Variants in ADGRA3 observed in about 807,000 individuals in gnomAD.
ADGRA3 encodes G-protein coupled receptor 125.
In ADGRA3, 56 loss-of-function variants were observed where a neutral mutation model predicts 119.8. That is an observed-to-expected ratio of 0.47 (90% confidence interval 0.38 to 0.58). ADGRA3 has a LOEUF of 0.58. ADGRA3 is among the 20% of genes least tolerant of loss of function. ADGRA3 has a pLI of 0.00. For synonymous variants in ADGRA3, 607 were observed against 623.8 expected, an observed-to-expected ratio of 0.97 and a Z score of 0.40; for missense variants, 1,516 against 1,649.0, an observed-to-expected ratio of 0.92 and a Z score of 1.40.
intron 1 of ADGRA3, chr4:22,514,432 A>T (rs899385024): frequency 5.9e-5 from 9 of 152,184 alleles, no homozygotes; most frequent in Non-Finnish European, 1.0e-4. Context: ...AGGTAAACAA[A>T]AGTGTTAGTA....
At chr4:22,502,331 G>C (rs1049967222) in intron 1 of ADGRA3, among the ~76,000 whole-genome samples, 1 of 152,210 alleles carries the variant, frequency 6.6e-6, no homozygotes, top group African/African-American at 2.4e-5. Context: ...AATCTAGGCA[G>C]ACTTCAGTAA....
At position 22,495,995 on chromosome 4, in the gene ADGRA3, T is replaced by A. The variant is rs374701178; in HGVS notation, c.257+19533A>T. On this transcript the variant is annotated intron_variant, in intron 1 of 18. Transcript: ENST00000334304. Reference sequence around the variant, plus strand: ...CATTCTGCAACACTAATAATATAATTGATTTAGGCAATGATACCAACAGCT... The same window carrying A: ...CATTCTGCAACACTAATAATATAATAGATTTAGGCAATGATACCAACAGCT... Among the ~76,000 whole-genome samples the A allele has an allele frequency of 2.3e-3, 344 of 152,242 alleles. 1 individual carries two copies. Among genetic ancestry groups the A allele is most frequent in the African/African-American group, 7.7e-3 (319 of 41,544 alleles).
chr4:22,475,610 C>T (rs1168482663), intron 1 of ADGRA3, among the ~76,000 whole-genome samples: 1 of 152,072 alleles, frequency 6.6e-6, no homozygotes. Flanking sequence ...ACCTATATTC[C>T]CAGCTACTCG....
intron 11 of ADGRA3, among the ~76,000 whole-genome samples, 174 bp downstream of exon 11, chr4:22,424,017 C>T (rs1715824206): frequency 6.6e-6 from 1 of 150,694 alleles, no homozygotes; most frequent in Admixed American, 6.6e-5. Context: ...AGAAGAAATT[C>T]TGTAATAACT....
intron 8 of ADGRA3, among the ~76,000 whole-genome samples, chr4:22,437,521 T>C (rs1168016078): frequency 6.6e-6 from 1 of 152,188 alleles, no homozygotes; most frequent in Non-Finnish European, 1.5e-5. Context: ...ATAAACTCAT[T>C]TTTTAAATCC....
intron 2 of ADGRA3, chr4:22,473,355 C>T (rs553677652): frequency 6.4e-6 from 1 of 155,856 alleles, no homozygotes; most frequent in East Asian, 1.9e-4. Context: ...AGAATTTCAA[C>T]ACAGCATCAA....
intron 2 of ADGRA3, among the ~76,000 whole-genome samples, chr4:22,462,383 G>A (rs1717499419): frequency 6.6e-6 from 1 of 152,040 alleles, no homozygotes; most frequent in Non-Finnish European, 1.5e-5. Context: ...GCGTGATCCT[G>A]ACTCACTGCA....
intron 16 of ADGRA3, among the ~76,000 whole-genome samples, chr4:22,398,489 C>A (rs1216950000): frequency 6.6e-6 from 1 of 152,008 alleles, no homozygotes; most frequent in African/African-American, 2.4e-5. Context: ...TCATATGACC[C>A]CCTCATCACA....
At chr4:22,471,346 T>C (rs1246766663) in intron 2 of ADGRA3, among the ~76,000 whole-genome samples, 15 of 152,102 alleles carry the variant, frequency 9.9e-5, no homozygotes, top group Admixed American at 3.3e-4. Context: ...AGAAGCAGAA[T>C]AGATAACTTT....
chr4:22,498,659 T>A (rs184223822), intron 1 of ADGRA3, among the ~76,000 whole-genome samples: 89 of 152,062 alleles, frequency 5.9e-4, no homozygotes, highest in African/African-American at 2.0e-3. Flanking sequence ...CTCACGCCTG[T>A]AATCCCAGCA....
At chr4:22,426,136 T>A (rs1358088090) in intron 10 of ADGRA3, among the ~76,000 whole-genome samples, 2 of 151,974 alleles carry the variant, frequency 1.3e-5, no homozygotes, top group Non-Finnish European at 2.9e-5. Context: ...TCTTTTAAGA[T>A]GATAGACTCT....
chr4:22,469,467 C>G (rs557921333), intron 2 of ADGRA3, among the ~76,000 whole-genome samples: 12 of 152,180 alleles, frequency 7.9e-5, no homozygotes, highest in African/African-American at 2.7e-4. Flanking sequence ...TTGACCCACA[C>G]CCACTTCTTC....
At chr4:22,420,603 A>C (rs1001071914) in intron 12 of ADGRA3, 6 of 460,486 alleles carry the variant, frequency 1.3e-5, no homozygotes, top group African/African-American at 2.0e-5. Flanking sequence ...ATTTTTTCAC[A>C]TGTAACAATA....
intron 14 of ADGRA3, among the ~76,000 whole-genome samples, chr4:22,405,537 C>G (rs1249709239): frequency 6.7e-6 from 1 of 148,960 alleles, no homozygotes; most frequent in African/African-American, 2.5e-5. Flanking sequence ...CAGAGCAAAC[C>G]CCTATTTCTA....
chr4:22,460,017 G>T (rs1433650773), intron 3 of ADGRA3, among the ~76,000 whole-genome samples: 1 of 152,106 alleles, frequency 6.6e-6, no homozygotes, highest in Admixed American at 6.6e-5. Flanking sequence ...TCTGATCAAA[G>T]AACTAAACTA....
At chr4:22,451,723 AG>A (rs1487663505) in intron 4 of ADGRA3, among the ~76,000 whole-genome samples, 2 of 152,178 alleles carry the variant, frequency 1.3e-5, no homozygotes, top group Non-Finnish European at 2.9e-5. Context: ...CCCTTAGCCA[AG>A]GAAGTTTGAG....
At chr4:22,515,456 T>C (rs2109196661) in intron 1 of ADGRA3, 72 bp downstream of exon 1, 1 of 1,547,644 alleles carries the variant, frequency 6.5e-7, no homozygotes, top group Non-Finnish European at 8.7e-7. Context: ...GGCTGGACCC[T>C]GCTCCAAAGT....
At chr4:22,513,143 CTTTTTT>C (rs142313161) in intron 1 of ADGRA3, among the ~76,000 whole-genome samples, 15,530 of 133,506 alleles carry the variant, frequency 0.12, 1,014 homozygotes, top group Middle Eastern at 0.18. Context: ...CAACTTTCCT[CTTTTTT>C]TTTTTTTTTT....
intron 1 of ADGRA3, among the ~76,000 whole-genome samples, chr4:22,500,881 A>G (rs1267228005): frequency 6.6e-6 from 1 of 152,174 alleles, no homozygotes; most frequent in African/African-American, 2.4e-5. Flanking sequence ...TTAAGTGGGC[A>G]TCTTCCAATA....
Sources: allele counts gnomAD v4.1 joint callset (sites outside exome capture counted in the v4.1 genomes callset), GRCh38; gene constraint gnomAD v4.1.1; transcripts MANE v1.5; gene names NCBI Gene and HGNC (gene_info 2026-07-23, HGNC 2026-07-21).